Variants in CCAR1 observed in about 807,000 individuals in gnomAD.
CCAR1 encodes the protein cell division cycle and apoptosis regulator protein 1.
CCAR1 carries 78 observed loss-of-function variants against 163.8 expected under a neutral mutation model. That is an observed-to-expected ratio of 0.48 (90% confidence interval 0.40 to 0.57). The LOEUF (loss-of-function observed/expected upper bound fraction) is 0.57. Among genes scored for constraint, CCAR1 ranks in the 20% least tolerant of loss-of-function variants. CCAR1 has a pLI of 0.00. For synonymous variants in CCAR1, 443 were observed against 460.7 expected (o/e 0.96, Z 0.49); for missense variants, 1,019 against 1,365.2 (o/e 0.75, Z 4.00).
chr10:68,749,064 CTAATTT>C lies in CCAR1; in HGVS notation c.827-69_827-64del, dbSNP rs1339724029. ...CTCTCAGTTATTTAACTTTGTTCCTCTAATTTTATCAGGTAATGCCTTCGAACTTTG... is the reference window on the plus strand; with the variant it reads ...CTCTCAGTTATTTAACTTTGTTCCTCTATCAGGTAATGCCTTCGAACTTTG... On this transcript the variant is annotated intron_variant, in intron 8 of 24. Coordinates refer to ENST00000265872, the MANE Select transcript of CCAR1 (RefSeq NM_018237.4). The C allele has an allele frequency of 2.5e-5, 39 of 1,566,626 alleles. No individual in the cohort carries two copies. The South Asian group carries it at 2.8e-4, about 11-fold the overall frequency.
intron 17 of CCAR1, 35 bp from the exon 18 acceptor site, chr10:68,771,171 A>T: frequency 6.5e-7 from 1 of 1,535,216 alleles, no homozygotes; most frequent in Non-Finnish European, 8.8e-7. Context: ...TTTCTGTTGA[A>T]ATTTGGCTAG....
At chr10:68,729,719 T>C (rs920196160) in intron 2 of CCAR1, among the ~76,000 whole-genome samples, 17 of 144,438 alleles carry the variant, frequency 1.2e-4, no homozygotes, top group African/African-American at 4.3e-4. Flanking sequence ...AAAAAAAAAA[T>C]ACAAAAACAT....
intron 17 of CCAR1, among the ~76,000 whole-genome samples, chr10:68,770,174 T>C (rs535677748): frequency 2.6e-5 from 4 of 152,330 alleles, no homozygotes; most frequent in South Asian, 2.1e-4. Flanking sequence ...TCTCTTGTTA[T>C]ACTCTAGGTG....
At position 68,765,983 on chromosome 10, in the gene CCAR1, T is replaced by C. The variant is rs758974180; in HGVS notation, c.2202T>C (p.Asn734=). 1.3e-5 allele frequency: 21 copies of C among 1,613,840 alleles called. No individual in the cohort carries two copies. The highest frequency in any genetic ancestry group is 1.7e-5 in the Admixed American group (1 of 59,984). Reference sequence around the variant, plus strand: ...AACCGGCCATCATTGTACATCCAAATTGGGCTGCAAAAAGTGGCAAGTTTG... The same window carrying C: ...AACCGGCCATCATTGTACATCCAAACTGGGCTGCAAAAAGTGGCAAGTTTG... ...PDEPAIIVHP[N]WAAKSGKFDC... Residue 734 remains asparagine, a synonymous_variant, in exon 17 of 25, where the codon AAT becomes AAC. Transcript: ENST00000265872.
chr10:68,735,522 A>G (rs1019731106), intron 2 of CCAR1, among the ~76,000 whole-genome samples: 2 of 151,866 alleles, frequency 1.3e-5, no homozygotes, highest in East Asian at 3.9e-4. Flanking sequence ...CTCCTATCTC[A>G]GCCCCCTGAG....
rs1483308835 is a variant in CCAR1, at chr10:68,763,013, T to C, written c.2106+1821T>C. Among the ~76,000 whole-genome samples the C allele has an allele frequency of 2.0e-5, 3 of 152,226 alleles. No individual in the cohort carries two copies. In the East Asian group the frequency reaches 5.8e-4, roughly 29 times the overall value. On this transcript the variant is annotated intron_variant, in intron 16 of 24. Transcript: ENST00000265872. ...TTATGGATATGGATGTGACATTAGA[T>C]AATATTAAAGCAGTGTTAAATTTCT...
At chr10:68,730,797 C>T (rs756831169) in intron 2 of CCAR1, among the ~76,000 whole-genome samples, 5 of 151,856 alleles carry the variant, frequency 3.3e-5, no homozygotes, top group Non-Finnish European at 5.9e-5. Context: ...CTCAGGTGAT[C>T]CACCCACTTC....
intron 5 of CCAR1, among the ~76,000 whole-genome samples, chr10:68,741,114 A>C (rs2056178071): frequency 6.6e-6 from 1 of 151,922 alleles, no homozygotes; most frequent in Non-Finnish European, 1.5e-5. Context: ...GGGTTTCACC[A>C]TGCTAGCCAA....
At chr10:68,784,466 G>C (rs1564553551) in intron 19 of CCAR1, among the ~76,000 whole-genome samples, 1 of 152,084 alleles carries the variant, frequency 6.6e-6, no homozygotes, top group African/African-American at 2.4e-5. Context: ...ATCTGCCTCG[G>C]GCTGCCAAAG....
At chr10:68,783,167 T>G (rs2056756416) in intron 19 of CCAR1, among the ~76,000 whole-genome samples, 1 of 151,680 alleles carries the variant, frequency 6.6e-6, no homozygotes, top group South Asian at 2.1e-4. Context: ...CATGCCCAGC[T>G]AAATATTTAT....
intron 4 of CCAR1, among the ~76,000 whole-genome samples, chr10:68,739,233 T>C (rs2056152097): frequency 6.6e-6 from 1 of 152,216 alleles, no homozygotes; most frequent in Admixed American, 6.5e-5. Context: ...CGCTGCAACC[T>C]CTGCCTCCCA....
intron 19 of CCAR1, chr10:68,775,029 T>C (rs746450599): frequency 2.9e-6 from 1 of 341,256 alleles, no homozygotes; most frequent in South Asian, 2.3e-5. Context: ...CCATATCAGT[T>C]TTTAATATTG....
At chr10:68,730,355 T>G (rs1275313140) in intron 2 of CCAR1, among the ~76,000 whole-genome samples, 4 of 150,478 alleles carry the variant, frequency 2.7e-5, no homozygotes, top group Non-Finnish European at 5.9e-5. Context: ...ATTTATTTTT[T>G]GAGATGGAGT....
chr10:68,741,021 C>T (rs913221240), intron 5 of CCAR1, among the ~76,000 whole-genome samples: 1 of 151,882 alleles, frequency 6.6e-6, no homozygotes, highest in Non-Finnish European at 1.5e-5. Context: ...TCAAGCGATT[C>T]TCCTCTCTCA....
chr10:68,771,316 T>TA lies in CCAR1; in HGVS notation c.2416dup (p.Ser806LysfsTer5). The TA allele has an allele frequency of 1.2e-6, 2 of 1,601,818 alleles. No homozygotes were observed. Among genetic ancestry groups the TA allele is most frequent in the Non-Finnish European group, 1.7e-6 (2 of 1,174,428 alleles). On this transcript the variant is annotated frameshift_variant, in exon 18 of 25. Coordinates refer to ENST00000265872, the MANE Select transcript of CCAR1 (RefSeq NM_018237.4). LOFTEE classifies it high-confidence loss of function. ...AGAAAGAGGACAAAAAAGAAAAGGA[T>TA]AAAAAAAGCAAAAAAGATGAGAGAA...
intron 2 of CCAR1, among the ~76,000 whole-genome samples, chr10:68,728,345 A>C (rs995353397): frequency 6.6e-6 from 1 of 151,908 alleles, no homozygotes; most frequent in African/African-American, 2.4e-5. Flanking sequence ...AGACATCCAA[A>C]AATAATCCTG....
rs58074554 is a variant in CCAR1, at chr10:68,722,647, G to C, written c.73+70G>C. 4,197 of 1,207,720 alleles carry C rather than the reference G, an allele frequency of 3.5e-3. 102 individuals are homozygous for C. The African/African-American group carries it at 0.053, about 15-fold the overall frequency. The allele number at this position is 1,207,720 out of a possible 1,614,324, so 74.8% of individuals were successfully genotyped here. ...TGTTAAAACTACGTGAATTAGGGCC[G>C]GGGGTGGTGGCTCACGCCTGTTATC... On this transcript the variant is annotated intron_variant, in intron 2 of 24. Transcript: ENST00000265872.
chr10:68,773,546 C>G lies in CCAR1; in HGVS notation c.2650+447C>G, dbSNP rs150505016. Among the ~76,000 whole-genome samples the G allele has an allele frequency of 3.8e-4, 58 of 152,118 alleles. No individual in the cohort carries two copies. The East Asian group carries it at 9.9e-3, about 26-fold the overall frequency. On this transcript the variant is annotated intron_variant, in intron 19 of 24. Coordinates refer to ENST00000265872, the MANE Select transcript of CCAR1 (RefSeq NM_018237.4). ...GGCGGTAGTGGCGCGTGCCTATAAT[C>G]CCAGGTATACTCTGGAGGCTGAGGC...
intron 10 of CCAR1, among the ~76,000 whole-genome samples, chr10:68,749,997 C>T (rs1387934582): frequency 6.6e-6 from 1 of 151,996 alleles, no homozygotes; most frequent in Non-Finnish European, 1.5e-5. Flanking sequence ...CATGTATAGT[C>T]CATTGTGTAT....
Sources: gnomAD v4.1 joint callset for allele counts (sites outside exome capture counted in the v4.1 genomes callset) on GRCh38, gnomAD v4.1.1 for gene constraint, MANE v1.5 for transcripts, NCBI Gene and HGNC (gene_info 2026-07-23, HGNC 2026-07-21) for gene names.